Variants in SLC28A3 observed in about 807,000 individuals in gnomAD.
The protein encoded by SLC28A3 is concentrative Na(+)-nucleoside cotransporter 3.
A neutral mutation model predicts 84.2 loss-of-function variants in SLC28A3; 68 were observed. That is an observed-to-expected ratio of 0.81 (90% CI 0.66 to 0.99). The LOEUF is 0.99. Among genes scored for constraint, SLC28A3 ranks in the 50% least tolerant of loss-of-function variants. The probability of loss-of-function intolerance (pLI) is 0.00; values close to 1 mark genes in which losing one functional copy is unlikely to be tolerated. For missense variants in SLC28A3, 712 were observed against 841.5 expected (o/e 0.85, Z 1.90); for synonymous variants, 267 against 303.6 (o/e 0.88, Z 1.25).
intron 13 of SLC28A3, 23 bp downstream of exon 13, chr9:84,285,920 G>T (rs754940703): frequency 6.2e-7 from 1 of 1,602,234 alleles, no homozygotes; most frequent in South Asian, 1.1e-5. Flanking sequence ...AAAACAGAGG[G>T]CAGGGGCGTG....
intron 1 of SLC28A3, among the ~76,000 whole-genome samples, chr9:84,321,663 G>A (rs768419031): frequency 6.7e-6 from 1 of 149,774 alleles, no homozygotes; most frequent in Non-Finnish European, 1.5e-5. Context: ...GGACTCGGGA[G>A]GCAGAGCTTG....
intron 4 of SLC28A3, among the ~76,000 whole-genome samples, chr9:84,304,164 G>A (rs1304463552): frequency 6.6e-6 from 1 of 152,232 alleles, no homozygotes; most frequent in Non-Finnish European, 1.5e-5. Flanking sequence ...CTTATGTATT[G>A]TTTATGGTTG....
At chr9:84,324,791 G>A (rs965820718) in intron 1 of SLC28A3, among the ~76,000 whole-genome samples, 1 of 152,164 alleles carries the variant, frequency 6.6e-6, no homozygotes, top group African/African-American at 2.4e-5. Flanking sequence ...TTGGTATTCT[G>A]TCAAAGTTGA....
At chr9:84,297,637 A>G (rs1825467372) in intron 7 of SLC28A3, among the ~76,000 whole-genome samples, 1 of 152,208 alleles carries the variant, frequency 6.6e-6, no homozygotes, top group South Asian at 2.1e-4. Flanking sequence ...GTCTGTGGAA[A>G]CATCTAAGAA....
chr9:84,344,442 C>T (rs1378839137), upstream of SLC28A3, among the ~76,000 whole-genome samples: 2 of 151,956 alleles, frequency 1.3e-5, no homozygotes, highest in Non-Finnish European at 2.9e-5. Context: ...ACCTGCCTTG[C>T]CCTCCCAAAG....
At chr9:84,322,246 GA>G (rs1324579266) in intron 1 of SLC28A3, among the ~76,000 whole-genome samples, 1 of 152,140 alleles carries the variant, frequency 6.6e-6, no homozygotes, top group Admixed American at 6.6e-5. Context: ...GATAGAAGAA[GA>G]AGAAAAAGAG....
Position 84,288,050 on chromosome 9 carries a change from A to G in SLC28A3, c.1278T>C (p.Ser426=). 8 of 1,613,890 alleles carry G rather than the reference A, an allele frequency of 5.0e-6. No homozygotes were observed. Among genetic ancestry groups the G allele is most frequent in the South Asian group, 2.2e-5 (2 of 91,074 alleles). ...ITLKNAMKME[S]GDSGNLLEAA... The stretch of plus-strand genomic sequence containing the variant: ...TTAGGTGAATGTGTCACACTTACCC[A>G]CTTTCCATTTTCATGGCATTCTTGA... Residue 426 remains serine, a splice_region_variant and synonymous_variant, in exon 12 of 18, where the codon AGT becomes AGC. Transcript: ENST00000376238.
the SLC28A3 span, among the ~76,000 whole-genome samples, chr9:84,348,247 G>A: frequency 6.6e-6 from 1 of 151,732 alleles, no homozygotes; most frequent in Admixed American, 6.6e-5. Flanking sequence ...GCAGCTACTT[G>A]GGAAGCTGAA....
rs1825334684 is a variant in SLC28A3, at chr9:84,294,217, A to G, written c.920T>C (p.Leu307Pro). Residue 307 changes from leucine to proline, a missense_variant, in exon 9 of 18, where the codon CTG becomes CCG. Coordinates refer to ENST00000376238, the MANE Select transcript of SLC28A3 (RefSeq NM_001199633.2). ...TACCTTTCTAATAATCCACTGCATC[A>G]GTCCCAGGTAGTACAGCATGGACAT... ...TVMSMLYYLG[L>P]MQWIIRKVGW... 1.9e-6 allele frequency: 3 copies of G among 1,614,036 alleles called. No individual in the cohort carries two copies. In the African/African-American group the frequency reaches 4.0e-5, roughly 22 times the overall value.
rs1184360725 is a variant in SLC28A3, at chr9:84,285,542, G to A, written c.1450C>T (p.Leu484=). 1 of 1,614,000 alleles carries A rather than the reference G, an allele frequency of 6.2e-7. No homozygotes were observed. Among genetic ancestry groups the A allele is most frequent in the African/African-American group, 1.3e-5 (1 of 74,940 alleles). ...MFDYPQLSFE[L]ICSYIFMPFS... ...GGCATGAAGATGTAGGAGCAGATTA[G>A]CTACAGAAACCAAAAGTAGACACTT... The change falls in exon 14 of 18, where the codon CTA becomes TTA. Residue 484 remains leucine, a splice_region_variant and synonymous_variant. Transcript: ENST00000376238.
intron 1 of SLC28A3, among the ~76,000 whole-genome samples, chr9:84,331,280 C>T (rs947703121): frequency 2.6e-5 from 4 of 152,256 alleles, no homozygotes; most frequent in Admixed American, 1.3e-4. Context: ...TCCAGCCGAG[C>T]GCCTCTTGAG....
chr9:84,299,564 A>T lies in SLC28A3; in HGVS notation c.669+17T>A. 2 of 1,613,264 alleles carry T rather than the reference A, an allele frequency of 1.2e-6. No individual in the cohort carries two copies. Among genetic ancestry groups the T allele is most frequent in the Non-Finnish European group, 1.7e-6 (2 of 1,179,750 alleles). On this transcript the variant is annotated intron_variant, in intron 6 of 17. Transcript: ENST00000376238. ...AGAAAAAGAAAAAAGAACCTAAAAGATCAACTGGATACTTACTCTGGTTGG... is the reference window on the plus strand; with the variant it reads ...AGAAAAAGAAAAAAGAACCTAAAAGTTCAACTGGATACTTACTCTGGTTGG...
the SLC28A3 span, among the ~76,000 whole-genome samples, chr9:84,355,619 G>T: frequency 4.6e-5 from 7 of 151,994 alleles, no homozygotes; most frequent in Non-Finnish European, 1.0e-4. Flanking sequence ...AGACTGCCTG[G>T]TTCTAATCCT....
intron 6 of SLC28A3, among the ~76,000 whole-genome samples, chr9:84,299,034 G>C (rs151065879): frequency 0.015 from 2,325 of 152,204 alleles, 30 homozygotes; most frequent in Non-Finnish European, 0.022. Flanking sequence ...TGCTTTTAAT[G>C]GTAAAGTCTT....
chr9:84,306,848 CATA>C (rs1036981455), intron 3 of SLC28A3, among the ~76,000 whole-genome samples: 18 of 152,070 alleles, frequency 1.2e-4, no homozygotes, highest in African/African-American at 4.3e-4. Flanking sequence ...ATGAAGCCCA[CATA>C]GTAACCACTA....
chr9:84,309,479 C>T, intron 3 of SLC28A3, 150 bp downstream of exon 3: 1 of 571,094 alleles, frequency 1.8e-6, no homozygotes, highest in South Asian at 2.3e-5. Flanking sequence ...GCCGAGATCA[C>T]ATCACTGCAC....
chr9:84,286,426 T>C (rs1824989063), intron 12 of SLC28A3, among the ~76,000 whole-genome samples: 1 of 148,796 alleles, frequency 6.7e-6, no homozygotes, highest in South Asian at 2.1e-4. Context: ...CTGAATAGCA[T>C]GTGTGCCACC....
chr9:84,361,477 G>T, the SLC28A3 span, among the ~76,000 whole-genome samples: 16 of 152,186 alleles, frequency 1.1e-4, 1 homozygote, highest in Admixed American at 9.2e-4. Context: ...TTCAGAAAAA[G>T]AAATGCTGTT....
At chr9:84,329,914 G>C (rs1233402194) in intron 1 of SLC28A3, among the ~76,000 whole-genome samples, 1 of 146,022 alleles carries the variant, frequency 6.8e-6, no homozygotes, top group Non-Finnish European at 1.5e-5. Context: ...GAAAATTTAT[G>C]AATATCGCTA....
Sources: gnomAD v4.1 joint callset for allele counts (sites outside exome capture counted in the v4.1 genomes callset) on GRCh38, gnomAD v4.1.1 for gene constraint, MANE v1.5 for transcripts, NCBI Gene and HGNC (gene_info 2026-07-23, HGNC 2026-07-21) for gene names.